DNAH12: variants seen among roughly 807,000 people sequenced by gnomAD.
DNAH12 encodes axonemal beta dynein heavy chain 12.
In DNAH12, 285 loss-of-function variants were observed where a neutral mutation model predicts 371.5. The ratio of observed to expected loss-of-function variants is 0.77; its 90% CI spans 0.70 to 0.85. The LOEUF is 0.85. Ranked by LOEUF, DNAH12 falls within the 40% of genes least tolerant of loss-of-function variation. The pLI is 0.00. For synonymous variants in DNAH12, 1,200 were observed against 1,213.0 expected, an observed-to-expected ratio of 0.99 and a Z score of 0.22; for missense variants, 3,611 against 3,689.4, an observed-to-expected ratio of 0.98 and a Z score of 0.55.
chr3:57,338,704 G>A (rs532841297), intron 60 of DNAH12, among the ~76,000 whole-genome samples: 19 of 146,362 alleles, frequency 1.3e-4, no homozygotes, highest in Admixed American at 8.1e-4. Flanking sequence ...CTGCCCGGCC[G>A]CCCCATCTTG....
At chr3:57,422,787 T>C (rs975249952) in intron 35 of DNAH12, among the ~76,000 whole-genome samples, 1 of 152,224 alleles carries the variant, frequency 6.6e-6, no homozygotes, top group African/African-American at 2.4e-5. Context: ...CTATTTGTAA[T>C]AGCAAAAGAT....
chr3:57,460,956 G>A (rs907243747), intron 19 of DNAH12, among the ~76,000 whole-genome samples: 2 of 151,962 alleles, frequency 1.3e-5, no homozygotes, highest in Non-Finnish European at 2.9e-5. Flanking sequence ...TTGATATCAG[G>A]GTAAAAAATC....
chr3:57,325,228 C>A (rs1158247027), intron 62 of DNAH12, among the ~76,000 whole-genome samples: 1 of 152,220 alleles, frequency 6.6e-6, no homozygotes, highest in Admixed American at 6.5e-5. Context: ...GTGGTTCCCC[C>A]AGCACGCAGC....
At chr3:57,444,983 G>A (rs898064761) in intron 28 of DNAH12, among the ~76,000 whole-genome samples, 167 bp from the exon 29 acceptor site, 4 of 138,168 alleles carry the variant, frequency 2.9e-5, no homozygotes, top group African/African-American at 5.4e-5. Context: ...TCAATACTAT[G>A]CTTATCAAAC....
At chr3:57,544,733 A>T (rs1354675992), upstream of DNAH12, among the ~76,000 whole-genome samples, 1 of 152,196 alleles carries the variant, frequency 6.6e-6, no homozygotes. Flanking sequence ...TAGATTTGCT[A>T]TTTGTTGACA....
intron 45 of DNAH12, 32 bp downstream of exon 45, chr3:57,391,840 G>A (rs1224157129): frequency 2.0e-5 from 3 of 152,392 alleles, no homozygotes; most frequent in Non-Finnish European, 4.4e-5. Context: ...AGAGTTAGTT[G>A]CCTCCCCCTC....
In DNAH12 at chr3:57,405,903, T is replaced by G. The variant is rs1553681060; in HGVS notation, c.6326A>C (p.His2109Pro). Residue 2109 changes from histidine (H) to proline (P), a missense_variant, in exon 41 of 74, where the codon CAT becomes CCT. His to Pro is a moderately conservative substitution (Grantham distance 77). Coordinates refer to ENST00000495027, the MANE Select transcript of DNAH12 (RefSeq NM_001366028.2). ...AAAATCACGCAAGTTGAAAGTATAA[T>G]GGGATTTTGTGGGAGTGGGTAAAAG... ...ENLLPTPTKS[H>P]YTFNLRDFSR... 6.5e-7 allele frequency: 1 copy of G among 1,548,566 alleles called. No homozygotes were observed. Among genetic ancestry groups the G allele is most frequent in the African/African-American group, 1.4e-5 (1 of 72,984 alleles).
At chr3:57,364,491 T>C (rs1386360744) in intron 57 of DNAH12, among the ~76,000 whole-genome samples, 1 of 152,128 alleles carries the variant, frequency 6.6e-6, no homozygotes. Flanking sequence ...ATAGTGTTTT[T>C]CCTCATTTTA....
At chr3:57,521,745 G>C (rs113095632) in intron 4 of DNAH12, among the ~76,000 whole-genome samples, 2 of 151,800 alleles carry the variant, frequency 1.3e-5, no homozygotes, top group Non-Finnish European at 2.9e-5. Context: ...AAATTAGCTC[G>C]GCATGGTGGC....
chr3:57,302,555 A>ATGGT (rs1559535346), intron 69 of DNAH12, among the ~76,000 whole-genome samples: 24 of 80,984 alleles, frequency 3.0e-4, no homozygotes, highest in African/African-American at 1.0e-3. Context: ...ATATATATAT[A>ATGGT]TATATATATG....
intron 39 of DNAH12, among the ~76,000 whole-genome samples, chr3:57,410,909 C>T (rs1235880318): frequency 6.6e-6 from 1 of 151,772 alleles, no homozygotes; most frequent in Non-Finnish European, 1.5e-5. Flanking sequence ...AACCCTACAG[C>T]TAACATCATA....
intron 66 of DNAH12, among the ~76,000 whole-genome samples, chr3:57,311,393 A>G (rs2061581259): frequency 6.6e-6 from 1 of 152,182 alleles, no homozygotes; most frequent in African/African-American, 2.4e-5. Context: ...ATTTTATCTT[A>G]AATTGCTTGT....
chr3:57,514,858 A>G (rs576187540), intron 4 of DNAH12, among the ~76,000 whole-genome samples: 1 of 152,338 alleles, frequency 6.6e-6, no homozygotes, highest in African/African-American at 2.4e-5. Flanking sequence ...CAATATTTTA[A>G]CCATATATCC....
intron 22 of DNAH12, among the ~76,000 whole-genome samples, chr3:57,455,551 CAG>C (rs2065879730): frequency 6.6e-6 from 1 of 150,796 alleles, no homozygotes; most frequent in Non-Finnish European, 1.5e-5. Context: ...GCCTGGGCAA[CAG>C]AGTGAGACTC....
intron 34 of DNAH12, among the ~76,000 whole-genome samples, chr3:57,425,604 TTAAG>T (rs2064741566): frequency 6.6e-6 from 1 of 152,142 alleles, no homozygotes; most frequent in Non-Finnish European, 1.5e-5. Context: ...CTTAAAAACT[TTAAG>T]TAGGCATGAT....
chr3:57,438,918 C>CAAAAAAAAAAAA (rs57608649), intron 29 of DNAH12, among the ~76,000 whole-genome samples: 1,075 of 94,314 alleles, frequency 0.011, 64 homozygotes, highest in African/African-American at 0.034. Flanking sequence ...CTGTCTCAGA[C>CAAAAAAAAAAAA]AAAAAAAAAA....
chr3:57,485,177 C>T (rs889448347), intron 12 of DNAH12, among the ~76,000 whole-genome samples: 3 of 152,160 alleles, frequency 2.0e-5, no homozygotes, highest in African/African-American at 7.2e-5. Flanking sequence ...AATCCCACTA[C>T]TAGGTATCTA....
chr3:57,356,362 G>A (rs1427213659), intron 59 of DNAH12, among the ~76,000 whole-genome samples: 1 of 151,932 alleles, frequency 6.6e-6, no homozygotes, highest in African/African-American at 2.4e-5. Context: ...TGGATCACCT[G>A]AGCCTGGGAG....
chr3:57,333,671 A>T (rs2062159234), intron 62 of DNAH12, among the ~76,000 whole-genome samples: 1 of 152,158 alleles, frequency 6.6e-6, no homozygotes, highest in South Asian at 2.1e-4. Context: ...TTCTTAGTTC[A>T]TGGGATGGAC....
Sources: gnomAD v4.1 joint callset for allele counts (sites outside exome capture counted in the v4.1 genomes callset) on GRCh38, gnomAD v4.1.1 for gene constraint, MANE v1.5 for transcripts, NCBI Gene and HGNC (gene_info 2026-07-23, HGNC 2026-07-21) for gene names.